Variants in CNTNAP3B observed in about 807,000 individuals in gnomAD.
CNTNAP3B encodes contactin-associated protein-like 3B.
Under a neutral mutation model 108.9 loss-of-function variants are expected in CNTNAP3B, and 25 were observed. The ratio of observed to expected loss-of-function variants is 0.23; its 90% CI spans 0.17 to 0.32. The LOEUF is 0.32. Ranked by LOEUF, CNTNAP3B falls within the 10% of genes least tolerant of loss-of-function variation. The probability of loss-of-function intolerance (pLI) is 1.00; values close to 1 mark genes in which losing one functional copy is unlikely to be tolerated. For missense variants in CNTNAP3B, 252 were observed against 1,210.4 expected (o/e 0.21, Z 11.75); for synonymous variants, 103 against 473.4 (o/e 0.22, Z 10.16).
At chr9:42,070,331 C>T (rs1827345454) in intron 3 of CNTNAP3B, among the ~76,000 whole-genome samples, 1 of 149,832 alleles carries the variant, frequency 6.7e-6, no homozygotes, top group African/African-American at 2.5e-5. Context: ...AGGAAACAAG[C>T]CATGATTTCA....
intron 1 of CNTNAP3B, among the ~76,000 whole-genome samples, chr9:42,124,845 T>A (rs2605851): frequency 1.5e-5 from 2 of 136,658 alleles, no homozygotes; most frequent in African/African-American, 5.9e-5. Context: ...CATATATAAA[T>A]GAACTGTTAT....
At chr9:42,046,047 C>T (rs1826868447) in intron 3 of CNTNAP3B, among the ~76,000 whole-genome samples, 1 of 122,058 alleles carries the variant, frequency 8.2e-6, no homozygotes, top group South Asian at 2.6e-4. Context: ...TCTTTCATTT[C>T]CCACAGAGCT....
At chr9:41,933,476 A>G (rs1824043355) in intron 14 of CNTNAP3B, among the ~76,000 whole-genome samples, 1 of 152,006 alleles carries the variant, frequency 6.6e-6, no homozygotes, top group African/African-American at 2.4e-5. Context: ...TAAGTTTTGT[A>G]ATTTTTTCCA....
intron 10 of CNTNAP3B, among the ~76,000 whole-genome samples, chr9:41,968,647 G>C (rs113072332): frequency 7.3e-6 from 1 of 137,086 alleles, no homozygotes; most frequent in Admixed American, 7.3e-5. Context: ...TAGTAATTGC[G>C]TTTTTTTAGT....
At chr9:41,942,174 TA>T (rs1824368239) in intron 13 of CNTNAP3B, among the ~76,000 whole-genome samples, 2 of 152,260 alleles carry the variant, frequency 1.3e-5, no homozygotes, top group African/African-American at 4.8e-5. Flanking sequence ...GACCTAATCC[TA>T]AGAGTACAGG....
At chr9:42,107,974 TA>T (rs67012140) in intron 1 of CNTNAP3B, among the ~76,000 whole-genome samples, 46,268 of 109,076 alleles carry the variant, frequency 0.42, 11,828 homozygotes, top group East Asian at 0.65. Flanking sequence ...GACTCCGTCT[TA>T]AAAAAAAAAA....
chr9:41,956,191 C>A lies in CNTNAP3B; in HGVS notation c.1877-2805G>T, dbSNP rs184120342. ...TACGAGGTCAGGAGATCGAGACCAT[C>A]CTGGCTAACATAGTAAAACCCTATC... On this transcript the variant is annotated intron_variant, in intron 12 of 23. Transcript: ENST00000377561. 2.6e-3 allele frequency among the ~76,000 whole-genome samples: 397 copies of A among 152,206 alleles called. 5 individuals carry two copies. The highest frequency in any genetic ancestry group is 8.9e-3 in the African/African-American group (368 of 41,498).
rs191231645 is a variant in CNTNAP3B at position 42,113,094 on chromosome 9, C to T, written c.86-8355G>A. Among the ~76,000 whole-genome samples, 69 of 136,130 alleles carry T rather than the reference C, an allele frequency of 5.1e-4. 13 individuals are homozygous for T. Among genetic ancestry groups the T allele is most frequent in the Admixed American group, 4.3e-3 (58 of 13,632 alleles). The allele number at this position is 136,130 out of a possible 152,430, so 89.3% of individuals were successfully genotyped here. The stretch of plus-strand genomic sequence containing the variant: ...TTAAGCATCTTAGTTTGACGATCTA[C>T]TCTACAGTCATTACAACAATAAATA... On this transcript the variant is annotated intron_variant, in intron 1 of 23. Transcript: ENST00000377561.
chr9:41,961,399 C>A (rs1164105465), intron 11 of CNTNAP3B, among the ~76,000 whole-genome samples: 1 of 152,306 alleles, frequency 6.6e-6, no homozygotes, highest in African/African-American at 2.4e-5. Context: ...AATCTGAATT[C>A]TGCGTGCTAT....
rs1285890316 is a variant in CNTNAP3B at position 42,093,460 on chromosome 9, T to C, written c.196+11169A>G. 5.3e-5 allele frequency among the ~76,000 whole-genome samples: 5 copies of C among 93,616 alleles called. 1 individual carries two copies. Among genetic ancestry groups the C allele is most frequent in the Non-Finnish European group, 1.1e-4 (5 of 44,566 alleles). The allele number at this position is 93,616 out of a possible 152,430, so 61.4% of individuals were successfully genotyped here. ...ATCAGATCATATACTAATTTTTTAA[T>C]TATGGTAATACACATCACAGGAAAT... On this transcript the variant is annotated intron_variant, in intron 2 of 23. Transcript: ENST00000377561.
intron 18 of CNTNAP3B, among the ~76,000 whole-genome samples, chr9:41,916,001 T>C (rs1823507779): frequency 6.6e-6 from 1 of 151,570 alleles, no homozygotes; most frequent in African/African-American, 2.4e-5. Context: ...TACATAGCTC[T>C]ATTTCTTCTC....
At chr9:41,931,319 G>C (rs1159088884) in intron 14 of CNTNAP3B, among the ~76,000 whole-genome samples, 37 of 152,068 alleles carry the variant, frequency 2.4e-4, no homozygotes, top group Non-Finnish European at 4.4e-4. Context: ...ATCCTCTGTG[G>C]TGGGAACATT....
intron 13 of CNTNAP3B, among the ~76,000 whole-genome samples, chr9:41,940,143 C>A (rs1476550919): frequency 2.6e-5 from 4 of 152,396 alleles, no homozygotes; most frequent in African/African-American, 9.6e-5. Flanking sequence ...CAATATCATC[C>A]GAATCTCAAA....
At chr9:42,030,634 T>C (rs2118477179) in intron 3 of CNTNAP3B, among the ~76,000 whole-genome samples, 1 of 58,542 alleles carries the variant, frequency 1.7e-5, no homozygotes, top group African/African-American at 8.0e-5. Context: ...GCTGCAAAGA[T>C]CCTCACCAGC....
At chr9:41,943,686 T>G (rs1337099204) in intron 13 of CNTNAP3B, among the ~76,000 whole-genome samples, 35 of 148,834 alleles carry the variant, frequency 2.4e-4, no homozygotes, top group African/African-American at 7.8e-4. Flanking sequence ...GTAACCTATG[T>G]AACCCATAAT....
At chr9:41,956,462 C>T (rs1434985659) in intron 12 of CNTNAP3B, among the ~76,000 whole-genome samples, 4 of 152,176 alleles carry the variant, frequency 2.6e-5, no homozygotes, top group Admixed American at 6.5e-5. Flanking sequence ...ATAGGGAAGT[C>T]GCAATATTGT....
intron 3 of CNTNAP3B, among the ~76,000 whole-genome samples, chr9:42,056,501 C>T (rs1278850282): frequency 7.3e-6 from 1 of 137,592 alleles, no homozygotes; most frequent in Non-Finnish European, 1.6e-5. Context: ...CAGGCGCCCG[C>T]CACCACACCT....
At chr9:42,059,900 G>T (rs1436624427) in intron 3 of CNTNAP3B, among the ~76,000 whole-genome samples, 14 of 141,962 alleles carry the variant, frequency 9.9e-5, no homozygotes, top group Admixed American at 9.2e-4. Flanking sequence ...TGAAATTTAT[G>T]CATTAGTTCT....
Position 42,127,606 on chromosome 9 carries a change from C to G in CNTNAP3B, c.85+1404G>C, listed in dbSNP as rs905008666. Among the ~76,000 whole-genome samples, 4 of 139,790 alleles carry G rather than the reference C, an allele frequency of 2.9e-5. 1 individual carries two copies. Among genetic ancestry groups the G allele is most frequent in the Admixed American group, 2.8e-4 (4 of 14,114 alleles). 91.7% of individuals were successfully genotyped at this position (139,790 alleles called of 152,430 possible). On this transcript the variant is annotated intron_variant, in intron 1 of 23. Transcript: ENST00000377561. Reference sequence around the variant, plus strand: ...TTTATTTAAGCCAAACGGCAGTTTCCATTACAAGACCCAAGGATTTTAATT... The same window carrying G: ...TTTATTTAAGCCAAACGGCAGTTTCGATTACAAGACCCAAGGATTTTAATT...
Sources: gnomAD v4.1 joint callset for allele counts (sites outside exome capture counted in the v4.1 genomes callset) on GRCh38, gnomAD v4.1.1 for gene constraint, MANE v1.5 for transcripts, NCBI Gene and HGNC (gene_info 2026-07-23, HGNC 2026-07-21) for gene names.